The following LAMA2 variants were observed in gnomAD, a reference collection of about 807,000 sequenced individuals.
LAMA2 encodes the protein laminin subunit alpha 2, also known as laminin subunit alpha-2.
A neutral mutation model predicts 364.8 loss-of-function variants in LAMA2; 269 were observed. The ratio of observed to expected loss-of-function variants is 0.74; its 90% CI spans 0.67 to 0.82. The LOEUF (loss-of-function observed/expected upper bound fraction) is 0.82. Ranked by LOEUF, LAMA2 falls within the 40% of genes least tolerant of loss-of-function variation. The pLI is 0.00. For missense variants in LAMA2, 3,807 were observed against 3,873.2 expected (o/e 0.98, Z 0.45); for synonymous variants, 1,379 against 1,370.6 (o/e 1.01, Z -0.14).
rs761364243 is a variant in LAMA2, at chr6:129,502,758, A to G, written c.8344A>G (p.Lys2782Glu). Reference protein sequence around the residue: ...SHIAIAFDDTKVKNRLTIELE... With the variant: ...SHIAIAFDDTEVKNRLTIELE... Reference sequence around the variant, plus strand: ...CATTGCAATTGCATTTGATGACACCAAAGTTAAAAACCGGTATGTATCATC... The same window carrying G: ...CATTGCAATTGCATTTGATGACACCGAAGTTAAAAACCGGTATGTATCATC... The change falls in exon 59 of 65, where the codon AAA becomes GAA. Residue 2782 changes from lysine (K) to glutamate (E), a missense_variant. Around this residue, in one of 3 missense-constraint regions of LAMA2, gnomAD observed 3,333 missense variants for 3,345.7 expected, o/e 1.00. Coordinates refer to ENST00000421865, the MANE Select transcript of LAMA2 (RefSeq NM_000426.4). The G allele has an allele frequency of 1.7e-5, 27 of 1,609,414 alleles. No individual in the cohort carries two copies. The East Asian group carries it at 5.6e-4, about 33-fold the overall frequency.
rs143470155 is a variant in LAMA2, at chr6:128,893,360, T to C, written c.112+10003T>C. 9.6e-3 allele frequency among the ~76,000 whole-genome samples: 1,453 copies of C among 151,926 alleles called. 18 individuals are homozygous for C. Among genetic ancestry groups the C allele is most frequent in the African/African-American group, 0.028 (1,151 of 41,512 alleles). ...CTCCACCCCCTTTCTTTGTTTTTTT[T>C]CCCCAGTGGCTCCTAACCATTTGTT... On this transcript the variant is annotated intron_variant, in intron 1 of 64. Transcript: ENST00000421865.
chr6:129,353,339 G>A lies in LAMA2; in HGVS notation c.4699G>A (p.Glu1567Lys), dbSNP rs371388948. Residue 1567 changes from glutamate (E) to lysine (K), a missense_variant, in exon 32 of 65, where the codon GAG becomes AAG. By Grantham distance (56) the Glu-to-Lys change is moderately conservative. Around this residue, in one of 3 missense-constraint regions of LAMA2, gnomAD observed 3,333 missense variants for 3,345.7 expected, o/e 1.00. Coordinates refer to ENST00000421865, the MANE Select transcript of LAMA2 (RefSeq NM_000426.4). ...CDGCKHWHAR[E>K]GWECVFCGDE... ...CGGCTGCAAGCACTGGCATGCACGC[G>A]AGGGCTGGGAGTGTGTTTGTACGTA... The A allele has an allele frequency of 9.3e-6, 15 of 1,613,796 alleles. No individual in the cohort carries two copies. The highest frequency in any genetic ancestry group is 3.3e-4 in the Middle Eastern group (2 of 6,070).
At chr6:128,965,863 T>G (rs1167539405) in intron 1 of LAMA2, among the ~76,000 whole-genome samples, 1 of 151,946 alleles carries the variant, frequency 6.6e-6, no homozygotes, top group African/African-American at 2.4e-5. Flanking sequence ...TTTTCCTTTT[T>G]TTGAGTGTAA....
rs151191751 is a variant in LAMA2 at position 129,462,021 on chromosome 6, A to T, written c.6992+1697A>T. 1.4e-3 allele frequency among the ~76,000 whole-genome samples: 212 copies of T among 152,138 alleles called. 1 individual carries two copies. The highest frequency in any genetic ancestry group is 4.9e-3 in the African/African-American group (203 of 41,548). ...GCTTCACAGAGGAGGTGACATTTGAAATGGTCTTGACCTGAGGTAAGAGTC... is the reference window on the plus strand; with the variant it reads ...GCTTCACAGAGGAGGTGACATTTGATATGGTCTTGACCTGAGGTAAGAGTC... On this transcript the variant is annotated intron_variant, in intron 49 of 64. Transcript: ENST00000421865.
chr6:129,034,771 A>G (rs1168999532), intron 1 of LAMA2, among the ~76,000 whole-genome samples: 1 of 152,166 alleles, frequency 6.6e-6, no homozygotes, highest in Non-Finnish European at 1.5e-5. Flanking sequence ...AATGGCCTCC[A>G]GCTCCATCCA....
At chr6:129,122,915 A>T (rs770151012) in intron 4 of LAMA2, among the ~76,000 whole-genome samples, 2 of 152,232 alleles carry the variant, frequency 1.3e-5, no homozygotes, top group Non-Finnish European at 2.9e-5. Context: ...TAAATAAGAT[A>T]AGCTTAAATT....
At chr6:129,157,993 A>G in intron 8 of LAMA2, 1 of 1,613,816 alleles carries the variant, frequency 6.2e-7, no homozygotes, top group African/African-American at 1.3e-5. Context: ...TCAGCAATGC[A>G]GCAACTCCCA....
intron 17 of LAMA2, among the ~76,000 whole-genome samples, chr6:129,273,962 AAAT>A (rs1469488171): frequency 6.6e-6 from 1 of 151,724 alleles, no homozygotes; most frequent in South Asian, 2.1e-4. Context: ...GCAAATTACT[AAAT>A]AATAATTTTA....
chr6:129,344,890 A>G (rs1032632995), intron 30 of LAMA2, among the ~76,000 whole-genome samples: 5 of 152,346 alleles, frequency 3.3e-5, no homozygotes, highest in Admixed American at 6.5e-5. Context: ...AGAAGCCAAT[A>G]ACGTTGGCAC....
At chr6:128,892,720 A>C (rs542796527) in intron 1 of LAMA2, among the ~76,000 whole-genome samples, 1 of 152,054 alleles carries the variant, frequency 6.6e-6, no homozygotes, top group East Asian at 1.9e-4. Context: ...ACTCTCCCTA[A>C]TTACTATAGT....
intron 54 of LAMA2, among the ~76,000 whole-genome samples, 154 bp downstream of exon 54, chr6:129,478,967 A>G (rs545036023): frequency 1.3e-5 from 2 of 152,308 alleles, no homozygotes; most frequent in East Asian, 3.9e-4. Context: ...AGCATTCTCT[A>G]AATTACCATG....
At chr6:129,365,664 T>C (rs1777727109) in intron 32 of LAMA2, among the ~76,000 whole-genome samples, 1 of 141,222 alleles carries the variant, frequency 7.1e-6, no homozygotes, top group African/African-American at 2.5e-5. Context: ...CACCCGGCCT[T>C]CTTTAGACTT....
intron 22 of LAMA2, among the ~76,000 whole-genome samples, chr6:129,310,082 G>C (rs1430617122): frequency 6.6e-6 from 1 of 151,364 alleles, no homozygotes; most frequent in Non-Finnish European, 1.5e-5. Flanking sequence ...TGTATTTTTA[G>C]TAGAGACGGG....
chr6:129,129,326 G>A (rs1280676743), intron 4 of LAMA2, among the ~76,000 whole-genome samples: 1 of 152,114 alleles, frequency 6.6e-6, no homozygotes, highest in Non-Finnish European at 1.5e-5. Flanking sequence ...TATAAACTCT[G>A]GAATGCTTAT....
intron 32 of LAMA2, among the ~76,000 whole-genome samples, chr6:129,355,522 A>G (rs1337789218): frequency 6.6e-6 from 1 of 152,130 alleles, no homozygotes; most frequent in South Asian, 2.1e-4. Flanking sequence ...CAAGAGACCA[A>G]AAAATGGATT....
intron 40 of LAMA2, among the ~76,000 whole-genome samples, chr6:129,422,378 A>G (rs1187683602): frequency 2.0e-5 from 3 of 152,132 alleles, no homozygotes; most frequent in African/African-American, 7.2e-5. Flanking sequence ...CTGTATCAGT[A>G]CATAGCCTTC....
chr6:129,210,458 T>A (rs1422083799), intron 12 of LAMA2, among the ~76,000 whole-genome samples: 1 of 152,016 alleles, frequency 6.6e-6, no homozygotes, highest in African/African-American at 2.4e-5. Context: ...ATAAAATGAA[T>A]CTTAGAAAGC....
At chr6:129,351,776 T>A (rs1776865701) in intron 31 of LAMA2, among the ~76,000 whole-genome samples, 1 of 152,192 alleles carries the variant, frequency 6.6e-6, no homozygotes, top group Non-Finnish European at 1.5e-5. Context: ...ATACAATTAT[T>A]TTACCTATAA....
chr6:129,009,811 A>G (rs991321770), intron 1 of LAMA2, among the ~76,000 whole-genome samples: 1 of 152,192 alleles, frequency 6.6e-6, no homozygotes, highest in African/African-American at 2.4e-5. Flanking sequence ...TAAGTTTGAC[A>G]CGTAACTCAT....
Sources: gnomAD v4.1 joint callset for allele counts (sites outside exome capture counted in the v4.1 genomes callset) on GRCh38, gnomAD v4.1.1 for gene constraint, gnomAD v4.1.1 regional missense constraint, MANE v1.5 for transcripts, NCBI Gene and HGNC (gene_info 2026-07-23, HGNC 2026-07-21) for gene names.